DUSP29: variants seen among roughly 807,000 people sequenced by gnomAD.
DUSP29 encodes the protein dual specificity phosphatase 29, also known as atypical dual-specific protein phosphatase.
DUSP29 carries 12 observed loss-of-function variants against 13.5 expected under a neutral mutation model. The ratio of observed to expected loss-of-function variants is 0.89; its 90% confidence interval spans 0.57 to 1.44. DUSP29 has a LOEUF of 1.44. Among genes scored for constraint, DUSP29 ranks in the 40% most tolerant of loss-of-function variants. The pLI is 0.00. For missense variants in DUSP29, 308 were observed against 301.1 expected (o/e 1.02, Z -0.17); for synonymous variants, 134 against 128.7 (o/e 1.04, Z -0.28).
In DUSP29 at chr10:75,041,457, G is replaced by A. The variant is rs142815473; in HGVS notation, c.421+2340C>T. 3.2e-3 allele frequency among the ~76,000 whole-genome samples: 483 copies of A among 152,296 alleles called. 9 individuals carry two copies. The highest frequency in any genetic ancestry group is 0.011 in the African/African-American group (464 of 41,562). On this transcript the variant is annotated intron_variant, in intron 3 of 3. Transcript: ENST00000338487. ...GACTCTCACAAGACAAGCATTAGCT[G>A]AGGCTGGGTGGCAGGTGCCCCTCTG...
intron 3 of DUSP29, among the ~76,000 whole-genome samples, chr10:75,038,858 C>T (rs532069883): frequency 1.3e-5 from 2 of 152,284 alleles, no homozygotes; most frequent in African/African-American, 4.8e-5. Context: ...GTGGCTCACA[C>T]CTGTAATCCC....
At chr10:75,071,069 C>A (rs2134310716) in intron 1 of DUSP29, among the ~76,000 whole-genome samples, 1 of 152,284 alleles carries the variant, frequency 6.6e-6, no homozygotes, top group South Asian at 2.1e-4. Flanking sequence ...CAGGCCTCTA[C>A]CCCAATGAGA....
At chr10:75,039,650 C>T (rs1846544703) in intron 3 of DUSP29, among the ~76,000 whole-genome samples, 2 of 152,232 alleles carry the variant, frequency 1.3e-5, no homozygotes, top group South Asian at 4.1e-4. Flanking sequence ...CTCCGCCCCG[C>T]AGCCAGGTGT....
chr10:75,045,871 G>T (rs1846696034), intron 2 of DUSP29, among the ~76,000 whole-genome samples: 2 of 152,174 alleles, frequency 1.3e-5, no homozygotes, highest in Admixed American at 6.5e-5. Flanking sequence ...GCACTTTGGG[G>T]AGGCCAAAGC....
Position 75,058,489 on chromosome 10 carries a change from C to T in DUSP29, c.26G>A (p.Ser9Asn), listed in dbSNP as rs776087998. 18 of 1,614,096 alleles carry T rather than the reference C, an allele frequency of 1.1e-5. No homozygotes were observed. The Middle Eastern group carries it at 4.9e-4, about 44-fold the overall frequency. The change falls in exon 2 of 4, where the codon AGC becomes AAC. Residue 9 changes from serine (S) to asparagine (N), a missense_variant. Ser to Asn is a conservative substitution (Grantham distance 46). Coordinates refer to ENST00000338487, the MANE Select transcript of DUSP29 (RefSeq NM_001003892.3). MTSGEVKTSLKNAYSSAKR... is the reference protein window; with the variant it reads MTSGEVKTNLKNAYSSAKR... ...GGCAGATGAGTAGGCATTCTTGAGG[C>T]TTGTCTTCACTTCTCCAGATGTCAT...
intron 1 of DUSP29, among the ~76,000 whole-genome samples, chr10:75,066,647 T>A (rs1847207507): frequency 6.6e-6 from 1 of 152,304 alleles, no homozygotes; most frequent in Admixed American, 6.5e-5. Flanking sequence ...CCATGAAAGT[T>A]CTATTTTAGA....
Position 75,044,075 on chromosome 10 carries a change from A to G in DUSP29, c.201-58T>C, listed in dbSNP as rs1163483372. On this transcript the variant is annotated intron_variant, in intron 2 of 3. Transcript: ENST00000338487. ...CGGCGCCCTGCCCCGGGTCCGGGAA[A>G]CTCAGGGGCCACCCACGCTTTCCGC... 6 of 1,511,414 alleles carry G rather than the reference A, an allele frequency of 4.0e-6. No individual in the cohort carries two copies. The African/African-American group carries it at 8.3e-5, about 21-fold the overall frequency. 93.6% of individuals were successfully genotyped at this position (1,511,414 alleles called of 1,614,324 possible). A position where few individuals can be genotyped will look rare whatever the true frequency, so the allele number is the denominator to read the frequency against.
intron 1 of DUSP29, among the ~76,000 whole-genome samples, chr10:75,062,123 G>A (rs367696321): frequency 2.9e-4 from 44 of 152,298 alleles, no homozygotes; most frequent in African/African-American, 1.0e-3. Context: ...TCACAGAAAC[G>A]AGCCCAGACC....
chr10:75,070,890 C>T (rs923314845), intron 1 of DUSP29, among the ~76,000 whole-genome samples: 2 of 152,198 alleles, frequency 1.3e-5, no homozygotes, highest in South Asian at 4.1e-4. Flanking sequence ...TGAATGGTCA[C>T]CAGAAGAGGA....
At chr10:75,045,241 A>G (rs146333615) in intron 2 of DUSP29, among the ~76,000 whole-genome samples, 1 of 152,202 alleles carries the variant, frequency 6.6e-6, no homozygotes, top group Non-Finnish European at 1.5e-5. Flanking sequence ...GTGATGGCGC[A>G]TGCCTGCAGT....
chr10:75,063,108 G>A (rs907865152), intron 1 of DUSP29, among the ~76,000 whole-genome samples: 5 of 152,228 alleles, frequency 3.3e-5, no homozygotes, highest in African/African-American at 1.2e-4. Flanking sequence ...TCAGGCAAGA[G>A]ACATTAGGGA....
intron 1 of DUSP29, among the ~76,000 whole-genome samples, chr10:75,068,501 C>A (rs1248742526): frequency 6.6e-6 from 1 of 152,094 alleles, no homozygotes; most frequent in Non-Finnish European, 1.5e-5. Context: ...CCTCTCCCTT[C>A]GAAGGCATTC....
rs763681211 is a variant in DUSP29, at chr10:75,058,302, C to T, written c.200+13G>A. On this transcript the variant is annotated intron_variant, in intron 2 of 3. Coordinates refer to ENST00000338487, the MANE Select transcript of DUSP29 (RefSeq NM_001003892.3). ...CTGCCTGCTCCCAAGCGAGCCTGGGCCTGGGCACTTACTCATCGCCAATGT... is the reference window on the plus strand; with the variant it reads ...CTGCCTGCTCCCAAGCGAGCCTGGGTCTGGGCACTTACTCATCGCCAATGT... The T allele has an allele frequency of 6.9e-6, 11 of 1,605,780 alleles. No homozygotes were observed. Among genetic ancestry groups the T allele is most frequent in the South Asian group, 2.2e-5 (2 of 90,706 alleles).
intron 1 of DUSP29, among the ~76,000 whole-genome samples, chr10:75,072,317 G>T (rs975263678): frequency 6.6e-6 from 1 of 152,116 alleles, no homozygotes; most frequent in Non-Finnish European, 1.5e-5. Flanking sequence ...CACTGCCATG[G>T]GGTCAGAGCC....
chr10:75,059,847 A>G (rs1238831899), intron 1 of DUSP29, among the ~76,000 whole-genome samples: 2 of 152,222 alleles, frequency 1.3e-5, no homozygotes, highest in Non-Finnish European at 2.9e-5. Context: ...ATCAAAACAC[A>G]TCAAACACTT....
At chr10:75,064,596 C>T (rs11001274) in intron 1 of DUSP29, among the ~76,000 whole-genome samples, 50,868 of 152,046 alleles carry the variant, frequency 0.33, 9,458 homozygotes, top group East Asian at 0.73. Flanking sequence ...TGGGCTCAAG[C>T]GTTCCTCCTG....
At chr10:75,057,933 C>T (rs892056753) in intron 2 of DUSP29, among the ~76,000 whole-genome samples, 1 of 152,202 alleles carries the variant, frequency 6.6e-6, no homozygotes, top group Non-Finnish European at 1.5e-5. Context: ...TTTCCCTCCA[C>T]CCTCCTGCTG....
chr10:75,056,685 AC>A (rs1846966871), intron 2 of DUSP29, among the ~76,000 whole-genome samples: 1 of 151,644 alleles, frequency 6.6e-6, no homozygotes, highest in South Asian at 2.1e-4. Context: ...AAAAAAGTAA[AC>A]CCTTTATATG....
intron 1 of DUSP29, among the ~76,000 whole-genome samples, chr10:75,068,660 G>T (rs1315877885): frequency 1.3e-5 from 2 of 152,168 alleles, no homozygotes; most frequent in Non-Finnish European, 2.9e-5. Context: ...TTGGAAAGAA[G>T]GGGGAGAGTA....
Sources: allele counts gnomAD v4.1 joint callset (sites outside exome capture counted in the v4.1 genomes callset), GRCh38; gene constraint gnomAD v4.1.1; transcripts MANE v1.5; gene names NCBI Gene and HGNC (gene_info 2026-07-23, HGNC 2026-07-21).